MAP2K5: variants seen among roughly 807,000 people sequenced by gnomAD.
The protein encoded by MAP2K5 is mitogen-activated protein kinase kinase 5, also known as dual specificity mitogen-activated protein kinase kinase 5.
A neutral mutation model predicts 83.1 loss-of-function variants in MAP2K5; 49 were observed. The observed-to-expected ratio is 0.59, with a 90% CI of 0.47 to 0.75. The LOEUF (loss-of-function observed/expected upper bound fraction) is 0.75. MAP2K5 is among the 30% of genes least tolerant of loss of function. The pLI, the probability that MAP2K5 is intolerant of heterozygous loss-of-function variation, is 0.00. For synonymous variants in MAP2K5, 202 were observed against 191.8 expected (o/e 1.05, Z -0.44); for missense variants, 457 against 557.5 (o/e 0.82, Z 1.82).
rs919021367 is a variant in MAP2K5 at position 67,698,810 on chromosome 15, G to A, written c.973-4527G>A. ...CCAACTCAATTGGCTATGCTCATGCGATGGTAGTAATGGTAGTGGTGGTGA... is the reference window on the plus strand; with the variant it reads ...CCAACTCAATTGGCTATGCTCATGCAATGGTAGTAATGGTAGTGGTGGTGA... On this transcript the variant is annotated intron_variant, in intron 15 of 21. Coordinates refer to ENST00000178640, the MANE Select transcript of MAP2K5 (RefSeq NM_145160.3). This position sits in a 1 kb window ranked among gnomAD's most constrained non-coding sequence, Gnocchi z 4.5. Among the ~76,000 whole-genome samples the A allele has an allele frequency of 1.3e-5, 2 of 152,236 alleles. No individual in the cohort carries two copies. The highest frequency in any genetic ancestry group is 4.8e-5 in the African/African-American group (2 of 41,552).
rs1026676505 is a variant in MAP2K5, at chr15:67,760,962, A to C, written c.1135-8640A>C. Among the ~76,000 whole-genome samples, 1 of 151,940 alleles carries C rather than the reference A, an allele frequency of 6.6e-6. No homozygotes were observed. The highest frequency in any genetic ancestry group is 2.4e-5 in the African/African-American group (1 of 41,348). The stretch of plus-strand genomic sequence containing the variant: ...GCTGTAATCGTTTTGCCGGCTGTTA[A>C]TTTTCTCTAAACCAGGGAAAATGTG... On this transcript the variant is annotated intron_variant, in intron 19 of 21. Transcript: ENST00000178640. This position sits in a 1 kb window ranked among gnomAD's most constrained non-coding sequence, Gnocchi z 4.1.
At chr15:67,726,681 T>C (rs184582845) in intron 16 of MAP2K5, among the ~76,000 whole-genome samples, 1 of 152,314 alleles carries the variant, frequency 6.6e-6, no homozygotes, top group African/African-American at 2.4e-5. Flanking sequence ...CTTCCACTTA[T>C]TAACTGTTTG....
rs376144803 is a variant in MAP2K5 at position 67,735,695 on chromosome 15, G to T, written c.1074+7750G>T. 1.6e-3 allele frequency among the ~76,000 whole-genome samples: 242 copies of T among 152,340 alleles called. 2 individuals carry two copies. Among genetic ancestry groups the T allele is most frequent in the African/African-American group, 5.6e-3 (233 of 41,578 alleles). On this transcript the variant is annotated intron_variant, in intron 17 of 21. Transcript: ENST00000178640. ...GGGTTTCACAGAGTAGATAGCTGAC[G>T]CTTGAGCCGAGGCTCTGAGGCAAGA...
intron 12 of MAP2K5, among the ~76,000 whole-genome samples, chr15:67,663,121 C>G (rs1273709399): frequency 6.6e-6 from 1 of 152,128 alleles, no homozygotes; most frequent in East Asian, 1.9e-4. Flanking sequence ...GATATCACAG[C>G]CTTTATCCCC....
rs537520751 is a variant in MAP2K5, at chr15:67,572,418, AAGAG to A, written c.253-8331_253-8328del. 1.1e-3 allele frequency among the ~76,000 whole-genome samples: 166 copies of A among 152,280 alleles called. No homozygotes were observed. The highest frequency in any genetic ancestry group is 3.7e-3 in the African/African-American group (152 of 41,576). ...GGAAAGGGGTCCCAATCCAGACCCT[AAGAG>A]AGAGTTCTTGGATCTTGTGCAAGAA... On this transcript the variant is annotated intron_variant, in intron 3 of 21. Coordinates refer to ENST00000178640, the MANE Select transcript of MAP2K5 (RefSeq NM_145160.3). This position sits in a 1 kb window ranked among gnomAD's most constrained non-coding sequence, Gnocchi z 4.2.
chr15:67,748,528 A>G lies in MAP2K5; in HGVS notation c.1102-41A>G, dbSNP rs1265448618. The G allele has an allele frequency of 4.4e-6, 7 of 1,592,930 alleles. No homozygotes were observed. Among genetic ancestry groups the G allele is most frequent in the Non-Finnish European group, 6.0e-6 (7 of 1,161,680 alleles). The stretch of plus-strand genomic sequence containing the variant: ...TTCCACTCCACTGTAAAGATATTGC[A>G]TAGAGGCTAATACTTTTTCCTCTCT... On this transcript the variant is annotated intron_variant, in intron 18 of 21. Transcript: ENST00000178640. This position sits in a 1 kb window ranked among gnomAD's most constrained non-coding sequence, Gnocchi z 4.0.
At position 67,746,178 on chromosome 15, in the gene MAP2K5, C is replaced by A. The variant is rs966938196; in HGVS notation, c.1075-2053C>A. On this transcript the variant is annotated intron_variant, in intron 17 of 21. Transcript: ENST00000178640. This position sits in a 1 kb window ranked among gnomAD's most constrained non-coding sequence, Gnocchi z 4.1. Reference sequence around the variant, plus strand: ...ACCTCAGTTCATGAGGAAGTTTCCTCCCCTCAGTTAATCTGATTCACACAA... The same window carrying A: ...ACCTCAGTTCATGAGGAAGTTTCCTACCCTCAGTTAATCTGATTCACACAA... Among the ~76,000 whole-genome samples the A allele has an allele frequency of 6.6e-6, 1 of 152,194 alleles. No homozygotes were observed. Among genetic ancestry groups the A allele is most frequent in the African/African-American group, 2.4e-5 (1 of 41,444 alleles).
chr15:67,619,122 C>T (rs533763030), intron 8 of MAP2K5, among the ~76,000 whole-genome samples: 89 of 152,280 alleles, frequency 5.8e-4, no homozygotes, highest in African/African-American at 1.9e-3. Flanking sequence ...GGCTTTTGAA[C>T]TTGCTGTTTC....
At chr15:67,617,024 G>C (rs560577352) in intron 8 of MAP2K5, among the ~76,000 whole-genome samples, 17 of 152,326 alleles carry the variant, frequency 1.1e-4, no homozygotes, top group Admixed American at 2.0e-4. Context: ...TCATAGAACA[G>C]TGGCAATACT....
intron 19 of MAP2K5, among the ~76,000 whole-genome samples, chr15:67,766,874 C>CA (rs1283633520): frequency 1.3e-5 from 2 of 152,168 alleles, no homozygotes; most frequent in African/African-American, 4.8e-5. Context: ...GCATTCTCAC[C>CA]ATCCCCCTAC....
intron 16 of MAP2K5, among the ~76,000 whole-genome samples, chr15:67,712,821 G>A (rs1367941714): frequency 6.6e-6 from 1 of 152,178 alleles, no homozygotes; most frequent in African/African-American, 2.4e-5. Context: ...AGGAGGCTGA[G>A]GCAGGAGAAT....
At chr15:67,592,721 G>A (rs1046502763) in intron 6 of MAP2K5, among the ~76,000 whole-genome samples, 18 of 152,176 alleles carry the variant, frequency 1.2e-4, no homozygotes, top group African/African-American at 3.9e-4. Context: ...TATTGCTTTT[G>A]ATTACTAACA....
intron 1 of MAP2K5, among the ~76,000 whole-genome samples, chr15:67,548,476 A>G (rs1251867780): frequency 1.3e-5 from 2 of 152,266 alleles, no homozygotes; most frequent in African/African-American, 4.8e-5. Context: ...TGACACTAAT[A>G]TGGCACTTGC....
intron 17 of MAP2K5, 94 bp downstream of exon 17, chr15:67,728,039 A>G (rs2089139057): frequency 9.8e-7 from 1 of 1,016,696 alleles, no homozygotes; most frequent in African/African-American, 1.6e-5. Flanking sequence ...GCCACATACA[A>G]ATAAATCTGT....
At chr15:67,629,720 T>C (rs1312895682) in intron 8 of MAP2K5, among the ~76,000 whole-genome samples, 1 of 152,116 alleles carries the variant, frequency 6.6e-6, no homozygotes, top group Admixed American at 6.5e-5. Flanking sequence ...GGAAGAGCCG[T>C]CTGATCTTAG....
intron 17 of MAP2K5, among the ~76,000 whole-genome samples, chr15:67,730,382 T>C (rs2089194030): frequency 6.6e-6 from 1 of 152,242 alleles, no homozygotes. Context: ...ACAAACAGAA[T>C]GGCTGATTTG....
rs897247284 is a variant in MAP2K5 at position 67,640,318 on chromosome 15, A to G, written c.586-5913A>G. On this transcript the variant is annotated intron_variant, in intron 9 of 21. Transcript: ENST00000178640. This position sits in a 1 kb window ranked among gnomAD's most constrained non-coding sequence, Gnocchi z 4.6. ...TCAGCTCACATACAAAATATCTCAT[A>G]GCGTTCTTTATATGGACCATTGCTC... 1.1e-4 allele frequency among the ~76,000 whole-genome samples: 17 copies of G among 152,212 alleles called. No homozygotes were observed. The highest frequency in any genetic ancestry group is 4.1e-4 in the African/African-American group (17 of 41,460).
At chr15:67,753,492 T>C (rs2089767219) in intron 19 of MAP2K5, among the ~76,000 whole-genome samples, 1 of 152,026 alleles carries the variant, frequency 6.6e-6, no homozygotes, top group Non-Finnish European at 1.5e-5. Context: ...AACTCAATGA[T>C]AAATAAAAAG....
rs190140138 is a variant in MAP2K5, at chr15:67,702,931, A to G, written c.973-406A>G. 6.6e-6 allele frequency among the ~76,000 whole-genome samples: 1 copy of G among 152,342 alleles called. No individual in the cohort carries two copies. Among genetic ancestry groups the G allele is most frequent in the Admixed American group, 6.5e-5 (1 of 15,294 alleles). On this transcript the variant is annotated intron_variant, in intron 15 of 21. Transcript: ENST00000178640. The surrounding 1 kb of genome is among the most constrained non-coding windows in gnomAD (Gnocchi z 4.6). ...CAATCTATCAAAATGCAAATAAGTGATAATATCATATAATGTTGTGTAATT... is the reference window on the plus strand; with the variant it reads ...CAATCTATCAAAATGCAAATAAGTGGTAATATCATATAATGTTGTGTAATT...
Sources: gnomAD v4.1 joint callset for allele counts (sites outside exome capture counted in the v4.1 genomes callset) on GRCh38, gnomAD v4.1.1 for gene constraint, Gnocchi (gnomAD v3.1) non-coding constraint, MANE v1.5 for transcripts, NCBI Gene and HGNC (gene_info 2026-07-23, HGNC 2026-07-21) for gene names.